The following SLC39A12 variants were observed in gnomAD, a reference collection of about 807,000 sequenced individuals.
SLC39A12 encodes solute carrier family 39 member 12, also known as zinc transporter ZIP12.
Under a neutral mutation model 71.1 loss-of-function variants are expected in SLC39A12, and 63 were observed. The observed-to-expected ratio is 0.89, with a 90% CI of 0.72 to 1.09. The LOEUF is 1.09. Ranked by LOEUF, SLC39A12 falls within the 50% of genes least tolerant of loss-of-function variation. SLC39A12 has a pLI of 0.00. For synonymous variants in SLC39A12, 351 were observed against 301.3 expected (o/e 1.16, Z -1.71); for missense variants, 892 against 812.6 (o/e 1.10, Z -1.19).
intron 12 of SLC39A12, among the ~76,000 whole-genome samples, chr10:18,015,019 G>T (rs1387727024): frequency 1.3e-5 from 2 of 152,178 alleles, no homozygotes; most frequent in African/African-American, 4.8e-5. Context: ...GAAGAAAGAT[G>T]AACTAAGGCA....
In SLC39A12 at chr10:18,036,794, A is replaced by ATTTTT. The variant is rs746691202; in HGVS notation, c.1948-5904_1948-5900dup. Among the ~76,000 whole-genome samples, 845 of 92,770 alleles carry ATTTTT rather than the reference A, an allele frequency of 9.1e-3. 49 individuals are homozygous for ATTTTT. The highest frequency in any genetic ancestry group is 0.011 in the African/African-American group (247 of 22,252). 60.9% of individuals were successfully genotyped at this position (92,770 alleles called of 152,430 possible). On this transcript the variant is annotated intron_variant, in intron 12 of 12. Transcript: ENST00000377369. ...TATATATATATATATATATATATAT[A>ATTTTT]TTTTTTTTTTTAATGGAATCTCACT...
chr10:17,967,896 AAAATATAT>A (rs1834871839), intron 4 of SLC39A12, among the ~76,000 whole-genome samples: 1 of 124,726 alleles, frequency 8.0e-6, no homozygotes. Context: ...CAAAAAAAAA[AAAATATAT>A]ATATATATAT....
At chr10:18,018,934 C>T (rs1018209402) in intron 12 of SLC39A12, among the ~76,000 whole-genome samples, 1 of 152,106 alleles carries the variant, frequency 6.6e-6, no homozygotes, top group Non-Finnish European at 1.5e-5. Context: ...CCTTCTACTT[C>T]TATCTTCTGA....
intron 9 of SLC39A12, among the ~76,000 whole-genome samples, chr10:17,994,820 CA>C (rs1289040118): frequency 6.6e-6 from 1 of 152,176 alleles, no homozygotes. Context: ...TACACACACA[CA>C]AAATGCATTT....
At position 18,036,775 on chromosome 10, in the gene SLC39A12, TATATATATATATA is replaced by T. The variant is rs1160574813; in HGVS notation, c.1948-5929_1948-5917del. ...ATATATATATATATATATATATATA[TATATATATATATA>T]TATATATTTTTTTTTTTAATGGAAT... On this transcript the variant is annotated intron_variant, in intron 12 of 12. Coordinates refer to ENST00000377369, the MANE Select transcript of SLC39A12 (RefSeq NM_001145195.2). 3.9e-3 allele frequency among the ~76,000 whole-genome samples: 88 copies of T among 22,280 alleles called. 4 individuals carry two copies. Among genetic ancestry groups the T allele is most frequent in the African/African-American group, 0.014 (78 of 5,682 alleles). 14.6% of individuals were successfully genotyped at this position (22,280 alleles called of 152,430 possible). A position where few individuals can be genotyped will look rare whatever the true frequency, so the allele number is the denominator to read the frequency against.
At chr10:18,023,050 T>C (rs984891547) in intron 12 of SLC39A12, among the ~76,000 whole-genome samples, 1 of 152,128 alleles carries the variant, frequency 6.6e-6, no homozygotes, top group Non-Finnish European at 1.5e-5. Flanking sequence ...GAGTGTAGGC[T>C]CCTCTCCTAC....
intron 5 of SLC39A12, among the ~76,000 whole-genome samples, chr10:17,979,320 G>A (rs138211853): frequency 1.6e-4 from 24 of 152,284 alleles, no homozygotes; most frequent in East Asian, 1.5e-3. Context: ...GACCAAGGGC[G>A]CAGAAGTTTG....
At chr10:18,025,479 C>T (rs375937097) in intron 12 of SLC39A12, among the ~76,000 whole-genome samples, 18 of 151,978 alleles carry the variant, frequency 1.2e-4, no homozygotes, top group Admixed American at 5.9e-4. Context: ...TGAGAACATG[C>T]GGTGTTTGGT....
At chr10:17,975,360 C>A (rs914979832) in intron 4 of SLC39A12, among the ~76,000 whole-genome samples, 8 of 152,324 alleles carry the variant, frequency 5.3e-5, no homozygotes, top group Non-Finnish European at 8.8e-5. Context: ...TGTTTAGGGT[C>A]CAAGAGCTCT....
In SLC39A12 at chr10:18,003,360, T is replaced by G; in HGVS notation, c.1947+2T>G. On this transcript the variant is annotated splice_donor_variant, in intron 12 of 12. Coordinates refer to ENST00000377369, the MANE Select transcript of SLC39A12 (RefSeq NM_001145195.2). LOFTEE classifies it high-confidence loss of function. The stretch of plus-strand genomic sequence containing the variant: ...TTATATTTATCCTTGGTTGAAATGG[T>G]AAGCTTGGTGGCTTTTCTATTTGAT... 2 of 1,604,556 alleles carry G rather than the reference T, an allele frequency of 1.2e-6. No homozygotes were observed. The highest frequency in any genetic ancestry group is 2.2e-5 in the East Asian group (1 of 44,772).
intron 12 of SLC39A12, chr10:18,008,448 G>C (rs45447194): frequency 0.13 from 20,190 of 152,124 alleles, 1,489 homozygotes; most frequent in Non-Finnish European, 0.16. Flanking sequence ...ATTATGGTGA[G>C]TTGCATAATT....
At chr10:18,023,288 C>A (rs183801767) in intron 12 of SLC39A12, among the ~76,000 whole-genome samples, 19 of 152,322 alleles carry the variant, frequency 1.2e-4, no homozygotes, top group African/African-American at 4.3e-4. Context: ...GGCTGCATTG[C>A]AAGCCCAAGC....
chr10:18,024,633 A>G (rs1836624464), intron 12 of SLC39A12, among the ~76,000 whole-genome samples: 1 of 152,162 alleles, frequency 6.6e-6, no homozygotes, highest in Admixed American at 6.5e-5. Flanking sequence ...CTCTCAGAGA[A>G]GCACACGCTA....
chr10:18,036,790 A>ATTTTTTTTTTTTTTTTT (rs1464293480), intron 12 of SLC39A12, among the ~76,000 whole-genome samples: 1 of 69,248 alleles, frequency 1.4e-5, no homozygotes, highest in African/African-American at 6.1e-5. Flanking sequence ...ATATATATAT[A>ATTTTTTTTTTTTTTTTT]TATATTTTTT....
intron 2 of SLC39A12, among the ~76,000 whole-genome samples, chr10:17,955,829 T>C (rs2130769442): frequency 6.6e-6 from 1 of 152,344 alleles, no homozygotes; most frequent in African/African-American, 2.4e-5. Context: ...TGGCTTTTTC[T>C]TTCTTTAATG....
intron 10 of SLC39A12, among the ~76,000 whole-genome samples, chr10:17,998,731 G>A (rs896216811): frequency 1.6e-4 from 24 of 152,120 alleles, no homozygotes; most frequent in African/African-American, 5.8e-4. Flanking sequence ...CACAGTAAAT[G>A]GAGCTATCTC....
At position 17,953,430 on chromosome 10, in the gene SLC39A12, G is replaced by C. The variant is rs1194278715; in HGVS notation, c.154G>C (p.Ala52Pro). The change falls in exon 2 of 13, where the codon GCT (alanine) becomes CCT (proline). Residue 52 changes from alanine to proline, a missense_variant. Ala to Pro is a conservative substitution (Grantham distance 27). Transcript: ENST00000377369. ...GGCAGACCTGCTACAGGTTCTCTCT[G>C]CTGGTGACCACCCACCCCACAACCA... ...QPADLLQVLSAGDHPPHNHSR... is the reference protein window; with the variant it reads ...QPADLLQVLSPGDHPPHNHSR... The C allele has an allele frequency of 3.1e-6, 5 of 1,614,048 alleles. No homozygotes were observed. The highest frequency in any genetic ancestry group is 3.3e-5 in the Admixed American group (2 of 59,998).
chr10:17,963,632 A>T (rs1834748484), intron 3 of SLC39A12, among the ~76,000 whole-genome samples: 1 of 152,150 alleles, frequency 6.6e-6, no homozygotes, highest in African/African-American at 2.4e-5. Flanking sequence ...ATTCAACTGG[A>T]CTAGGATTCT....
chr10:17,967,895 A>C (rs1272990781), intron 4 of SLC39A12, among the ~76,000 whole-genome samples: 2 of 116,900 alleles, frequency 1.7e-5, no homozygotes, highest in Non-Finnish European at 3.4e-5. Flanking sequence ...TCAAAAAAAA[A>C]AAAATATATA....
Sources: allele counts gnomAD v4.1 joint callset (sites outside exome capture counted in the v4.1 genomes callset), GRCh38; gene constraint gnomAD v4.1.1; transcripts MANE v1.5; gene names NCBI Gene and HGNC (gene_info 2026-07-23, HGNC 2026-07-21).